NFIA: variants seen among roughly 807,000 people sequenced by gnomAD.
The protein encoded by NFIA is nuclear factor I A.
NFIA carries 8 observed loss-of-function variants against 62.8 expected under a neutral mutation model. The observed-to-expected ratio is 0.13, with a 90% confidence interval of 0.07 to 0.23. NFIA has a LOEUF of 0.23. Ranked by LOEUF, NFIA falls within the 10% of genes least tolerant of loss-of-function variation. NFIA has a pLI of 1.00. For synonymous variants in NFIA, 235 were observed against 238.1 expected, an observed-to-expected ratio of 0.99 and a Z score of 0.12; for missense variants, 410 against 642.1, an observed-to-expected ratio of 0.64 and a Z score of 3.91.
At chr1:61,314,335 A>G (rs934565671) in intron 3 of NFIA, among the ~76,000 whole-genome samples, 2 of 152,130 alleles carry the variant, frequency 1.3e-5, no homozygotes, top group African/African-American at 4.8e-5. Context: ...AAAGAGGTAC[A>G]CTCTAATGCC....
chr1:61,119,507 G>A (rs1452346796), intron 2 of NFIA, among the ~76,000 whole-genome samples: 1 of 152,182 alleles, frequency 6.6e-6, no homozygotes, highest in Non-Finnish European at 1.5e-5. Flanking sequence ...CAGAGAAGTT[G>A]GCATTGCACT....
chr1:61,378,265 C>T (rs1664245362), intron 6 of NFIA, among the ~76,000 whole-genome samples: 1 of 152,174 alleles, frequency 6.6e-6, no homozygotes, highest in Non-Finnish European at 1.5e-5. Flanking sequence ...TTTCCCACGT[C>T]ACTCAATCTA....
intron 10 of NFIA, among the ~76,000 whole-genome samples, chr1:61,437,472 G>A (rs761705032): frequency 3.7e-4 from 57 of 152,116 alleles, no homozygotes; most frequent in Non-Finnish European, 6.2e-4. Flanking sequence ...TCTCCCACCC[G>A]CCAGCTGCAT....
At chr1:61,201,564 T>A (rs753581022) in intron 2 of NFIA, among the ~76,000 whole-genome samples, 46 of 147,450 alleles carry the variant, frequency 3.1e-4, no homozygotes, top group Non-Finnish European at 4.9e-4. Context: ...GAGGAAGGGG[T>A]GGGGGCCATC....
intron 4 of NFIA, among the ~76,000 whole-genome samples, chr1:61,352,166 G>A (rs960201898): frequency 6.6e-6 from 1 of 152,128 alleles, no homozygotes; most frequent in Non-Finnish European, 1.5e-5. Context: ...CAAAATGTGG[G>A]GAAGTATTTT....
At position 61,085,579 on chromosome 1, in the gene NFIA, T is replaced by A. The variant is rs1646204489; in HGVS notation, c.28-2570T>A. On this transcript the variant is annotated intron_variant, in intron 1 of 10. Coordinates refer to ENST00000403491, the MANE Select transcript of NFIA (RefSeq NM_001134673.4). ...ATAAGGGCACACTACTTTTTTTTTTTAACTAATCATTTATGCTATTCCTGG... is the reference window on the plus strand; with the variant it reads ...ATAAGGGCACACTACTTTTTTTTTTAAACTAATCATTTATGCTATTCCTGG... Among the ~76,000 whole-genome samples the A allele has an allele frequency of 3.3e-5, 5 of 152,232 alleles. No individual in the cohort carries two copies. The South Asian group carries it at 6.2e-4, about 19-fold the overall frequency.
At chr1:61,265,858 C>T (rs1046175317) in intron 2 of NFIA, among the ~76,000 whole-genome samples, 24 of 152,170 alleles carry the variant, frequency 1.6e-4, no homozygotes, top group Admixed American at 9.2e-4. Context: ...TAAACATTTG[C>T]AACTGTTAGT....
intron 7 of NFIA, among the ~76,000 whole-genome samples, chr1:61,399,095 A>G (rs144864361): frequency 1.4e-3 from 211 of 152,298 alleles, no homozygotes; most frequent in Admixed American, 3.9e-3. Flanking sequence ...CCCTTACGCT[A>G]TGGAAGTGGT....
In NFIA at chr1:61,362,091, C is replaced by G. The variant is rs146827249; in HGVS notation, c.946+2817C>G. Among the ~76,000 whole-genome samples the G allele has an allele frequency of 2.6e-3, 395 of 152,156 alleles. 3 individuals carry two copies. Among genetic ancestry groups the G allele is most frequent in the African/African-American group, 9.1e-3 (379 of 41,522 alleles). On this transcript the variant is annotated intron_variant, in intron 6 of 10. Transcript: ENST00000403491. ...GTGACTTTGGTGTCATTAACTCACA[C>G]CAGCCATTTTAAATGGATAATTTAT...
intron 10 of NFIA, among the ~76,000 whole-genome samples, chr1:61,445,531 A>G (rs1569898576): frequency 6.6e-6 from 1 of 152,374 alleles, no homozygotes; most frequent in East Asian, 1.9e-4. Flanking sequence ...TTGTTTTGCA[A>G]GTCACGTCTT....
At chr1:61,316,270 T>C (rs1214433033) in intron 3 of NFIA, among the ~76,000 whole-genome samples, 3 of 152,288 alleles carry the variant, frequency 2.0e-5, no homozygotes, top group African/African-American at 7.2e-5. Flanking sequence ...AGAAGGGGCA[T>C]TTCAAAAGAA....
At chr1:61,400,308 T>C (rs573962130) in intron 7 of NFIA, among the ~76,000 whole-genome samples, 7 of 152,344 alleles carry the variant, frequency 4.6e-5, no homozygotes, top group Middle Eastern at 3.4e-3. Flanking sequence ...TTATATTCTT[T>C]GTGAAAAGCC....
At chr1:61,086,029 AC>A (rs1443082943) in intron 1 of NFIA, among the ~76,000 whole-genome samples, 1 of 152,180 alleles carries the variant, frequency 6.6e-6, no homozygotes, top group Non-Finnish European at 1.5e-5. Flanking sequence ...CATTAATCAA[AC>A]TTTTAAATAA....
At chr1:61,245,687 GT>G (rs1655594630) in intron 2 of NFIA, among the ~76,000 whole-genome samples, 1 of 151,814 alleles carries the variant, frequency 6.6e-6, no homozygotes, top group Non-Finnish European at 1.5e-5. Flanking sequence ...AGACATTTAG[GT>G]TTTTATTTTT....
rs78491075 is a variant in NFIA, at chr1:61,376,849, C to G, written c.947-6388C>G. Among the ~76,000 whole-genome samples the G allele has an allele frequency of 4.6e-3, 699 of 152,258 alleles. 4 individuals are homozygous for G. Among genetic ancestry groups the G allele is most frequent in the Middle Eastern group, 0.01 (3 of 294 alleles). On this transcript the variant is annotated intron_variant, in intron 6 of 10. Coordinates refer to ENST00000403491, the MANE Select transcript of NFIA (RefSeq NM_001134673.4). The stretch of plus-strand genomic sequence containing the variant: ...ATCCTAGACAAATTGTTTAACATCA[C>G]TTGATATCTAATTTCTGTAATATTA...
intron 7 of NFIA, among the ~76,000 whole-genome samples, chr1:61,399,900 T>C (rs1665466058): frequency 6.6e-6 from 1 of 152,258 alleles, no homozygotes; most frequent in Non-Finnish European, 1.5e-5. Flanking sequence ...TATCCAATAA[T>C]ACAATAATGA....
intron 6 of NFIA, among the ~76,000 whole-genome samples, chr1:61,359,770 GGGTTTCA>G (rs1663183086): frequency 6.6e-6 from 1 of 151,914 alleles, no homozygotes; most frequent in Non-Finnish European, 1.5e-5. Context: ...AGTAGAGACG[GGGTTTCA>G]CCATGTTGGC....
intron 2 of NFIA, among the ~76,000 whole-genome samples, chr1:61,203,656 G>T (rs902223758): frequency 3.3e-5 from 5 of 152,112 alleles, no homozygotes; most frequent in African/African-American, 1.2e-4. Flanking sequence ...GCCATGTAGT[G>T]GTTAAATCTG....
intron 2 of NFIA, among the ~76,000 whole-genome samples, chr1:61,161,561 TTCTC>T (rs1269415085): frequency 6.7e-6 from 1 of 149,918 alleles, no homozygotes; most frequent in East Asian, 2.0e-4. Flanking sequence ...GATCCTCTCT[TTCTC>T]TCTAGACATG....
Sources: allele counts gnomAD v4.1 joint callset (sites outside exome capture counted in the v4.1 genomes callset), GRCh38; gene constraint gnomAD v4.1.1; transcripts MANE v1.5; gene names NCBI Gene and HGNC (gene_info 2026-07-23, HGNC 2026-07-21).